The following BLNK variants were observed in gnomAD, a reference collection of about 807,000 sequenced individuals.
The protein encoded by BLNK is B-cell linker protein.
BLNK carries 29 observed loss-of-function variants against 73.5 expected under a neutral mutation model. That is an observed-to-expected ratio of 0.39 (90% CI 0.29 to 0.54). The LOEUF is 0.54. Ranked by LOEUF, BLNK falls within the 20% of genes least tolerant of loss-of-function variation. The probability of loss-of-function intolerance (pLI) is 0.61; values close to 1 mark genes in which losing one functional copy is unlikely to be tolerated. For synonymous variants in BLNK, 176 were observed against 200.8 expected, an observed-to-expected ratio of 0.88 and a Z score of 1.04; for missense variants, 460 against 562.8, an observed-to-expected ratio of 0.82 and a Z score of 1.85.
chr10:96,225,790 G>C (rs1209506378), intron 5 of BLNK, among the ~76,000 whole-genome samples: 1 of 151,986 alleles, frequency 6.6e-6, no homozygotes, highest in Non-Finnish European at 1.5e-5. Context: ...TTACTGGCAT[G>C]CACCACCATG....
At chr10:96,193,915 G>A (rs1554894062) in intron 16 of BLNK, among the ~76,000 whole-genome samples, 1 of 152,166 alleles carries the variant, frequency 6.6e-6, no homozygotes, top group South Asian at 2.1e-4. Flanking sequence ...TCAGTGTATA[G>A]GGGACATAAT....
chr10:96,267,809 C>A (rs1844079002), intron 1 of BLNK, among the ~76,000 whole-genome samples: 1 of 152,096 alleles, frequency 6.6e-6, no homozygotes, highest in Admixed American at 6.5e-5. Context: ...AATGGAAAGT[C>A]CCTGTTTATT....
Position 96,191,803 on chromosome 10 carries a change from A to G in BLNK, c.*170T>C. ...TCAGGTCAGGCAATAGAACAAGTCC[A>G]CATGAGCTTCTTAAAAAGAAATGGA... On this transcript the variant is annotated 3_prime_UTR_variant, in exon 17 of 17. Transcript: ENST00000224337. 1.2e-6 allele frequency: 1 copy of G among 823,800 alleles called. No individual in the cohort carries two copies. Among genetic ancestry groups the G allele is most frequent in the Non-Finnish European group, 2.0e-6 (1 of 512,500 alleles). The allele number at this position is 823,800 out of a possible 1,614,324, so 51.0% of individuals were successfully genotyped here.
intron 3 of BLNK, among the ~76,000 whole-genome samples, chr10:96,241,935 A>G (rs1385889862): frequency 6.6e-6 from 1 of 151,966 alleles, no homozygotes; most frequent in Admixed American, 6.6e-5. Flanking sequence ...GCCCAGGCTG[A>G]TCTCAAACTC....
intron 10 of BLNK, among the ~76,000 whole-genome samples, chr10:96,207,462 T>A (rs781996599): frequency 8.5e-5 from 13 of 152,244 alleles, no homozygotes; most frequent in Non-Finnish European, 1.8e-4. Flanking sequence ...CCAGGTGGGC[T>A]CCCTTATGTA....
At chr10:96,220,989 A>G (rs1285749696) in intron 6 of BLNK, among the ~76,000 whole-genome samples, 2 of 152,224 alleles carry the variant, frequency 1.3e-5, no homozygotes, top group African/African-American at 4.8e-5. Context: ...TTAGCTATTA[A>G]ATGCCCACAT....
chr10:96,256,226 C>G (rs1843502481), intron 1 of BLNK, among the ~76,000 whole-genome samples: 1 of 152,108 alleles, frequency 6.6e-6, no homozygotes, highest in African/African-American at 2.4e-5. Flanking sequence ...GTGCAATTGA[C>G]CTGGTATCTC....
At chr10:96,202,750 G>T (rs2083678664) in intron 13 of BLNK, among the ~76,000 whole-genome samples, 1 of 152,210 alleles carries the variant, frequency 6.6e-6, no homozygotes, top group South Asian at 2.1e-4. Flanking sequence ...GGTGCACAGT[G>T]CAGGGCAGTT....
Position 96,189,506 on chromosome 10 carries a change from G to A in BLNK, c.*2467C>T, listed in dbSNP as rs2083296238. On this transcript the variant is annotated 3_prime_UTR_variant, in exon 17 of 17. Transcript: ENST00000224337. ...TACTTGCTTGCATTTTTGATTTAAT[G>A]TCTTCTACAGAACTAGGCCCTTTTG... The A allele has an allele frequency of 6.2e-6, 4 of 641,044 alleles. No homozygotes were observed. The Admixed American group carries it at 7.5e-5, about 12-fold the overall frequency. 39.7% of individuals were successfully genotyped at this position (641,044 alleles called of 1,614,324 possible).
At chr10:96,239,109 T>G (rs1444724339) in intron 3 of BLNK, 4 of 398,488 alleles carry the variant, frequency 1.0e-5, no homozygotes, top group Non-Finnish European at 1.8e-5. Context: ...CCAGGAGAGA[T>G]TAAATGTTCT....
At chr10:96,216,472 C>T in intron 7 of BLNK, 181 bp downstream of exon 7, 3 of 651,532 alleles carry the variant, frequency 4.6e-6, no homozygotes, top group Admixed American at 4.6e-5. Flanking sequence ...CTATGATACA[C>T]AGAGATGGGT....
At chr10:96,231,007 A>T (rs587644702) in intron 3 of BLNK, among the ~76,000 whole-genome samples, 173 bp from the exon 4 acceptor site, 3 of 152,316 alleles carry the variant, frequency 2.0e-5, no homozygotes, top group East Asian at 1.9e-4. Flanking sequence ...TTGACTTTTT[A>T]AAAAATATTA....
chr10:96,269,720 C>T (rs996042874), intron 1 of BLNK, among the ~76,000 whole-genome samples: 3 of 152,186 alleles, frequency 2.0e-5, no homozygotes, highest in Admixed American at 1.3e-4. Context: ...TCAGGGCACT[C>T]ACCATCCTTT....
intron 1 of BLNK, among the ~76,000 whole-genome samples, chr10:96,260,663 G>A (rs116555797): frequency 0.017 from 2,640 of 152,132 alleles, 76 homozygotes; most frequent in African/African-American, 0.059. Context: ...TTTGAGGGAT[G>A]GCATTCAAGA....
chr10:96,226,668 CTG>C (rs1842276115), intron 5 of BLNK, among the ~76,000 whole-genome samples: 2 of 152,036 alleles, frequency 1.3e-5, no homozygotes, highest in Admixed American at 1.3e-4. Flanking sequence ...TGAGGAAATC[CTG>C]TCTCTACTAA....
Position 96,197,074 on chromosome 10 carries a change from T to G in BLNK, c.1096-11A>C. The G allele has an allele frequency of 6.2e-7, 1 of 1,605,856 alleles. No homozygotes were observed. Among genetic ancestry groups the G allele is most frequent in the East Asian group, 2.2e-5 (1 of 44,654 alleles). On this transcript the variant is annotated splice_polypyrimidine_tract_variant and intron_variant, in intron 15 of 16. Transcript: ENST00000224337. ...AAGAAATGATCCATCCTGTTTAATTTTTTTTAAAAAACATAATTATGGTTA... is the reference window on the plus strand; with the variant it reads ...AAGAAATGATCCATCCTGTTTAATTGTTTTTAAAAAACATAATTATGGTTA...
intron 11 of BLNK, among the ~76,000 whole-genome samples, chr10:96,205,439 A>G (rs1388619924): frequency 1.3e-5 from 2 of 152,242 alleles, no homozygotes; most frequent in East Asian, 1.9e-4. Flanking sequence ...ATTCAAATAA[A>G]TGGTAAGATA....
At chr10:96,264,598 G>T (rs75264323) in intron 1 of BLNK, among the ~76,000 whole-genome samples, 6 of 152,034 alleles carry the variant, frequency 3.9e-5, no homozygotes, top group African/African-American at 1.5e-4. Flanking sequence ...TTGGAGGGGG[G>T]CGGGGAGACA....
chr10:96,213,145 C>T (rs1342652119), intron 8 of BLNK, among the ~76,000 whole-genome samples: 1 of 152,176 alleles, frequency 6.6e-6, no homozygotes, highest in Non-Finnish European at 1.5e-5. Flanking sequence ...GACTCATTCA[C>T]CCTCTCAACC....
Sources: gnomAD v4.1 joint callset for allele counts (sites outside exome capture counted in the v4.1 genomes callset) on GRCh38, gnomAD v4.1.1 for gene constraint, MANE v1.5 for transcripts, NCBI Gene and HGNC (gene_info 2026-07-23, HGNC 2026-07-21) for gene names.